The following PITPNM2 variants were observed in gnomAD, a reference collection of about 807,000 sequenced individuals.
PITPNM2 encodes membrane-associated phosphatidylinositol transfer protein 2.
A neutral mutation model predicts 132.2 loss-of-function variants in PITPNM2; 35 were observed. The ratio of observed to expected loss-of-function variants is 0.26; its 90% CI spans 0.20 to 0.35. PITPNM2 has a LOEUF of 0.35. PITPNM2 is among the 10% of genes least tolerant of loss of function. The pLI is 1.00. For synonymous variants in PITPNM2, 738 were observed against 799.2 expected, an observed-to-expected ratio of 0.92 and a Z score of 1.29; for missense variants, 1,332 against 1,912.0, an observed-to-expected ratio of 0.70 and a Z score of 5.66.
At chr12:123,053,695 G>A (rs1193244071) in intron 2 of PITPNM2, among the ~76,000 whole-genome samples, 1 of 151,596 alleles carries the variant, frequency 6.6e-6, no homozygotes, top group Non-Finnish European at 1.5e-5. Flanking sequence ...GGCCTCCTGA[G>A]TAGCTAGGAT....
intron 3 of PITPNM2, among the ~76,000 whole-genome samples, chr12:123,030,099 A>C (rs2040029124): frequency 6.6e-6 from 1 of 151,374 alleles, no homozygotes; most frequent in African/African-American, 2.4e-5. Flanking sequence ...AGATCAGAAA[A>C]GCCTCCGAGA....
At chr12:123,139,282 C>T (rs2043448878) in intron 1 of PITPNM2, among the ~76,000 whole-genome samples, 1 of 152,050 alleles carries the variant, frequency 6.6e-6, no homozygotes, top group Admixed American at 6.5e-5. Flanking sequence ...AGGCGGATCA[C>T]AAGGTCAGGA....
Position 123,119,740 on chromosome 12 carries a change from T to A in PITPNM2, c.-199-9252A>T, listed in dbSNP as rs140664977. On this transcript the variant is annotated intron_variant, in intron 1 of 25. Transcript: ENST00000320201. ...CCATGAGTACTAATATCAGGCTGAATACAGAGGCTTTTTTTCTGGGTCAAT... is the reference window on the plus strand; with the variant it reads ...CCATGAGTACTAATATCAGGCTGAAAACAGAGGCTTTTTTTCTGGGTCAAT... Among the ~76,000 whole-genome samples the A allele has an allele frequency of 1.6e-4, 24 of 152,142 alleles. No homozygotes were observed. The East Asian group carries it at 4.4e-3, about 28-fold the overall frequency.
At position 122,984,261 on chromosome 12, in the gene PITPNM2, G is replaced by C. The variant is rs1021562919; in HGVS notation, c.*1766C>G. ...GACTCTTCCAGGTGCTTCTCTGGAT[G>C]GCTGGTCTCCCAGGCAGCAGGCAAG... On this transcript the variant is annotated 3_prime_UTR_variant, in exon 26 of 26. Transcript: ENST00000320201. 6.6e-6 allele frequency: 1 copy of C among 152,642 alleles called. No homozygotes were observed. Among genetic ancestry groups the C allele is most frequent in the Non-Finnish European group, 1.5e-5 (1 of 68,122 alleles). 9.5% of individuals were successfully genotyped at this position (152,642 alleles called of 1,614,324 possible).
At chr12:123,072,926 A>G (rs1231745075) in intron 2 of PITPNM2, among the ~76,000 whole-genome samples, 1 of 152,238 alleles carries the variant, frequency 6.6e-6, no homozygotes, top group Admixed American at 6.5e-5. Flanking sequence ...CCGGAGCCCC[A>G]ACAGGGATCA....
chr12:123,025,046 C>A (rs2039807535), intron 3 of PITPNM2, among the ~76,000 whole-genome samples: 1 of 152,232 alleles, frequency 6.6e-6, no homozygotes, highest in Non-Finnish European at 1.5e-5. Context: ...CTAAGCATCT[C>A]TCTGCCATGA....
rs549449959 is a variant in PITPNM2 at position 123,132,947 on chromosome 12, A to C, written c.-200+17806T>G. Among the ~76,000 whole-genome samples the C allele has an allele frequency of 1.4e-4, 21 of 152,326 alleles. No homozygotes were observed. The South Asian group carries it at 1.7e-3, about 12-fold the overall frequency. ...CAGACCACGTTCTGTTTATCCACTC[A>C]TCAACTGCTGGACACTTGAGTTGTT... On this transcript the variant is annotated intron_variant, in intron 1 of 25. Coordinates refer to ENST00000320201, the MANE Select transcript of PITPNM2 (RefSeq NM_020845.3).
In PITPNM2 at chr12:123,102,679, G is replaced by A. The variant is rs559342509; in HGVS notation, c.-96+7706C>T. 1.1e-4 allele frequency among the ~76,000 whole-genome samples: 16 copies of A among 152,202 alleles called. No homozygotes were observed. The South Asian group carries it at 3.3e-3, about 32-fold the overall frequency. On this transcript the variant is annotated intron_variant, in intron 2 of 25. Coordinates refer to ENST00000320201, the MANE Select transcript of PITPNM2 (RefSeq NM_020845.3). Reference sequence around the variant, plus strand: ...CTCATTCTGAATCCCACTAGCCACAGGAAACCTTAAAGCTTGTCATTAGAG... The same window carrying A: ...CTCATTCTGAATCCCACTAGCCACAAGAAACCTTAAAGCTTGTCATTAGAG...
intron 2 of PITPNM2, chr12:123,081,329 G>T (rs1231555972): frequency 2.0e-5 from 3 of 152,334 alleles, no homozygotes; most frequent in Non-Finnish European, 2.9e-5. Context: ...CCTCTGCCCT[G>T]TTCTAGAACC....
chr12:123,127,365 G>A (rs550684942), intron 1 of PITPNM2, among the ~76,000 whole-genome samples: 3 of 152,266 alleles, frequency 2.0e-5, no homozygotes, highest in South Asian at 2.1e-4. Flanking sequence ...GGTCACTGGC[G>A]TGTTGATGCC....
At position 122,987,397 on chromosome 12, in the gene PITPNM2, G is replaced by A. The variant is rs148767753; in HGVS notation, c.3297C>T (p.Thr1099=). 2,631 of 1,613,828 alleles carry A rather than the reference G, an allele frequency of 1.6e-3. 39 individuals carry two copies. In the African/African-American group the frequency reaches 0.029, roughly 18 times the overall value. ...CGAACTCTGTGCCCTTGGGCAGCAC[G>A]GTGATGTAGCTGTCGGCAAACGTGT... ...GDHTFADSYI[T]VLPKGTEFVV... Residue 1099 remains threonine (T), a synonymous_variant, in exon 23 of 26, where the codon ACC becomes ACT. Coordinates refer to ENST00000320201, the MANE Select transcript of PITPNM2 (RefSeq NM_020845.3).
chr12:123,116,867 T>G (rs951090633), intron 1 of PITPNM2, among the ~76,000 whole-genome samples: 2 of 151,874 alleles, frequency 1.3e-5, no homozygotes. Flanking sequence ...GCCACAGGAG[T>G]GCAGCCAGCC....
rs1019687095 is a variant in PITPNM2, at chr12:123,095,549, C to T, written c.-96+14836G>A. 7.9e-5 allele frequency among the ~76,000 whole-genome samples: 12 copies of T among 152,122 alleles called. No individual in the cohort carries two copies. Among genetic ancestry groups the T allele is most frequent in the East Asian group, 1.9e-4 (1 of 5,188 alleles). Reference sequence around the variant, plus strand: ...GACCTGTCACCCAGATGAAGTGAGACGAAGTGTCTTCCAATACACACATCG... The same window carrying T: ...GACCTGTCACCCAGATGAAGTGAGATGAAGTGTCTTCCAATACACACATCG... On this transcript the variant is annotated intron_variant, in intron 2 of 25. Transcript: ENST00000320201. This position sits in a 1 kb window ranked among gnomAD's most constrained non-coding sequence, Gnocchi z 5.0.
chr12:123,042,117 G>C (rs901374874), intron 2 of PITPNM2, among the ~76,000 whole-genome samples: 3 of 151,982 alleles, frequency 2.0e-5, no homozygotes, highest in African/African-American at 4.8e-5. Flanking sequence ...GAGCTGTGAG[G>C]GATGTCACCC....
chr12:123,054,822 G>A (rs991569818), intron 2 of PITPNM2, among the ~76,000 whole-genome samples: 1 of 152,210 alleles, frequency 6.6e-6, no homozygotes, highest in African/African-American at 2.4e-5. Context: ...CCAGCACTTT[G>A]GGAGGCCAAG....
rs1383622351 is a variant in PITPNM2, at chr12:123,000,693, C to T, written c.1224+85G>A. 4 of 1,443,094 alleles carry T rather than the reference C, an allele frequency of 2.8e-6. No homozygotes were observed. In the East Asian group the frequency reaches 7.1e-5, roughly 26 times the overall value. The allele number at this position is 1,443,094 out of a possible 1,614,324, so 89.4% of individuals were successfully genotyped here. A position where few individuals can be genotyped will look rare whatever the true frequency, so the allele number is the denominator to read the frequency against. ...GAGGCTGCCAGGCCCAGAGTTCCAC[C>T]TCTGTAACCCCTCAGACTATTCCTC... On this transcript the variant is annotated intron_variant, in intron 10 of 25. Transcript: ENST00000320201. The surrounding 1 kb of genome is among the most constrained non-coding windows in gnomAD (Gnocchi z 5.4).
intron 18 of PITPNM2, 137 bp from the exon 19 acceptor site, chr12:122,989,009 G>A: frequency 9.5e-7 from 1 of 1,054,678 alleles, no homozygotes; most frequent in Non-Finnish European, 1.3e-6. Flanking sequence ...TCTTCTCCCA[G>A]GCTGGGTGAG....
At chr12:123,021,758 G>C in intron 3 of PITPNM2, 1 of 948,466 alleles carries the variant, frequency 1.1e-6, no homozygotes, top group Non-Finnish European at 1.3e-6. Context: ...TAGTTTCTGT[G>C]GTTCAAATGT....
rs1566271610 is a variant in PITPNM2 at position 123,058,854 on chromosome 12, C to T, written c.-95-24169G>A. 6.6e-6 allele frequency among the ~76,000 whole-genome samples: 1 copy of T among 152,202 alleles called. No homozygotes were observed. Among genetic ancestry groups the T allele is most frequent in the African/African-American group, 2.4e-5 (1 of 41,440 alleles). On this transcript the variant is annotated intron_variant, in intron 2 of 25. Transcript: ENST00000320201. This position sits in a 1 kb window ranked among gnomAD's most constrained non-coding sequence, Gnocchi z 4.0. ...CTATTAAGAATCAGCTTACACAGCACTCACTCTGAGAAGCCCTCCGAGACT... is the reference window on the plus strand; with the variant it reads ...CTATTAAGAATCAGCTTACACAGCATTCACTCTGAGAAGCCCTCCGAGACT...
Sources: allele counts gnomAD v4.1 joint callset (sites outside exome capture counted in the v4.1 genomes callset), GRCh38; gene constraint gnomAD v4.1.1; non-coding constraint Gnocchi (gnomAD v3.1); transcripts MANE v1.5; gene names NCBI Gene and HGNC (gene_info 2026-07-23, HGNC 2026-07-21).